Variants in GABRB1 observed in about 807,000 individuals in gnomAD.
GABRB1 encodes gamma-aminobutyric acid receptor subunit beta-1.
In GABRB1, 17 loss-of-function variants were observed where a neutral mutation model predicts 51.6. The ratio of observed to expected loss-of-function variants is 0.33; its 90% CI spans 0.23 to 0.49. GABRB1 has a LOEUF of 0.49. Ranked by LOEUF, GABRB1 falls within the 20% of genes least tolerant of loss-of-function variation. The pLI, the probability that GABRB1 is intolerant of heterozygous loss-of-function variation, is 0.99. For missense variants in GABRB1, 410 were observed against 600.6 expected, an observed-to-expected ratio of 0.68 and a Z score of 3.32; for synonymous variants, 247 against 218.9, an observed-to-expected ratio of 1.13 and a Z score of -1.14.
At chr4:47,347,484 C>A (rs1726143980) in intron 5 of GABRB1, among the ~76,000 whole-genome samples, 3 of 152,022 alleles carry the variant, frequency 2.0e-5, no homozygotes. Flanking sequence ...AGCAACGTAG[C>A]ATGAAGAATG....
At chr4:47,073,150 T>C (rs1399661262) in intron 3 of GABRB1, among the ~76,000 whole-genome samples, 1 of 152,172 alleles carries the variant, frequency 6.6e-6, no homozygotes, top group Non-Finnish European at 1.5e-5. Flanking sequence ...TCTCTTCCTC[T>C]TATCTTCTTT....
chr4:47,189,890 T>C (rs1351969867), intron 4 of GABRB1, among the ~76,000 whole-genome samples: 2 of 152,068 alleles, frequency 1.3e-5, no homozygotes, highest in African/African-American at 4.8e-5. Context: ...TCCCAGGCTC[T>C]GTTGTACAAC....
At chr4:47,234,304 A>G (rs1721243309) in intron 4 of GABRB1, among the ~76,000 whole-genome samples, 1 of 152,154 alleles carries the variant, frequency 6.6e-6, no homozygotes. Flanking sequence ...TCTGACTAAC[A>G]TGAAGAAACA....
intron 3 of GABRB1, among the ~76,000 whole-genome samples, chr4:47,089,675 C>G (rs141713300): frequency 6.6e-6 from 1 of 151,752 alleles, no homozygotes; most frequent in Non-Finnish European, 1.5e-5. Context: ...ATATTATAAT[C>G]GAATAGTATA....
At chr4:47,399,606 G>T (rs1728309608) in intron 5 of GABRB1, among the ~76,000 whole-genome samples, 1 of 152,140 alleles carries the variant, frequency 6.6e-6, no homozygotes, top group Non-Finnish European at 1.5e-5. Context: ...TGTCCTGATT[G>T]ATCTGTTTGA....
At chr4:47,123,672 T>G (rs1296427866) in intron 3 of GABRB1, among the ~76,000 whole-genome samples, 1 of 77,222 alleles carries the variant, frequency 1.3e-5, no homozygotes, top group Non-Finnish European at 2.2e-5. Context: ...ATATATGATA[T>G]GATATATCAT....
chr4:47,209,746 A>G (rs922325471), intron 4 of GABRB1, among the ~76,000 whole-genome samples: 2 of 152,130 alleles, frequency 1.3e-5, no homozygotes, highest in Non-Finnish European at 2.9e-5. Context: ...AATGGCATAG[A>G]AAGAAACCAG....
intron 5 of GABRB1, among the ~76,000 whole-genome samples, chr4:47,395,831 G>A (rs1222655840): frequency 1.3e-5 from 2 of 151,934 alleles, no homozygotes; most frequent in African/African-American, 4.8e-5. Context: ...ACACCTACAA[G>A]TATATGCAAA....
chr4:47,017,632 T>C (rs567966754), intron 1 of GABRB1, among the ~76,000 whole-genome samples: 1 of 150,436 alleles, frequency 6.6e-6, no homozygotes, highest in African/African-American at 2.4e-5. Context: ...TTTTTCACAC[T>C]CACACACACA....
chr4:47,387,617 A>C (rs564862635), intron 5 of GABRB1, among the ~76,000 whole-genome samples: 1 of 152,324 alleles, frequency 6.6e-6, no homozygotes, highest in African/African-American at 2.4e-5. Context: ...ATTGTGGAAA[A>C]AGCGAATTTG....
intron 1 of GABRB1, among the ~76,000 whole-genome samples, chr4:47,001,053 G>T (rs1477275360): frequency 6.6e-6 from 1 of 152,174 alleles, no homozygotes; most frequent in African/African-American, 2.4e-5. Flanking sequence ...TATAAGAATG[G>T]TGTGATGGTT....
chr4:47,049,839 A>G (rs1374306331), intron 3 of GABRB1, among the ~76,000 whole-genome samples: 1 of 152,228 alleles, frequency 6.6e-6, no homozygotes, highest in African/African-American at 2.4e-5. Context: ...TGAAATAAAT[A>G]AACTGTTGTT....
chr4:47,278,103 T>G (rs939968708), intron 4 of GABRB1, among the ~76,000 whole-genome samples: 1 of 152,062 alleles, frequency 6.6e-6, no homozygotes, highest in Non-Finnish European at 1.5e-5. Context: ...GGGCTAAGAG[T>G]GCACACTGTA....
intron 5 of GABRB1, among the ~76,000 whole-genome samples, chr4:47,342,148 A>C (rs1050060411): frequency 1.3e-5 from 2 of 151,978 alleles, no homozygotes; most frequent in Non-Finnish European, 2.9e-5. Context: ...TTTTTTTGTT[A>C]TTTTTTCATT....
chr4:47,303,227 A>T (rs1350765104), intron 4 of GABRB1, among the ~76,000 whole-genome samples: 2 of 151,928 alleles, frequency 1.3e-5, no homozygotes, highest in Non-Finnish European at 2.9e-5. Context: ...TAGAAATCAC[A>T]GCCTTCTTGC....
chr4:47,363,311 C>G (rs2110011881), intron 5 of GABRB1, among the ~76,000 whole-genome samples: 1 of 152,166 alleles, frequency 6.6e-6, no homozygotes, highest in South Asian at 2.1e-4. Context: ...CTTCAGAGCC[C>G]ATCTTCTAGA....
chr4:47,363,113 A>G (rs913531353), intron 5 of GABRB1, among the ~76,000 whole-genome samples: 1 of 152,138 alleles, frequency 6.6e-6, no homozygotes, highest in Non-Finnish European at 1.5e-5. Context: ...ATTGAGTCTT[A>G]AAAACTATTA....
chr4:47,205,019 G>A (rs531607131), intron 4 of GABRB1, among the ~76,000 whole-genome samples: 50 of 152,202 alleles, frequency 3.3e-4, no homozygotes, highest in South Asian at 2.5e-3. Flanking sequence ...CAGCTTCTGT[G>A]CATTCCCTCC....
chr4:47,124,373 C>T (rs1038905334), intron 3 of GABRB1, among the ~76,000 whole-genome samples: 1 of 152,076 alleles, frequency 6.6e-6, no homozygotes, highest in Non-Finnish European at 1.5e-5. Context: ...AGGTCTGTAC[C>T]TGCCAAAACT....
Sources: allele counts gnomAD v4.1 joint callset (sites outside exome capture counted in the v4.1 genomes callset), GRCh38; gene constraint gnomAD v4.1.1; transcripts MANE v1.5; gene names NCBI Gene and HGNC (gene_info 2026-07-23, HGNC 2026-07-21).